The following FBXO38 variants were observed in gnomAD, a reference collection of about 807,000 sequenced individuals.
FBXO38 encodes F-box only protein 38.
In FBXO38, 53 loss-of-function variants were observed where a neutral mutation model predicts 131.9. That is an observed-to-expected ratio of 0.40 (90% CI 0.32 to 0.51). The LOEUF (loss-of-function observed/expected upper bound fraction) is 0.51. Ranked by LOEUF, FBXO38 falls within the 20% of genes least tolerant of loss-of-function variation. The pLI, the probability that FBXO38 is intolerant of heterozygous loss-of-function variation, is 0.53. For missense variants in FBXO38, 1,076 were observed against 1,475.6 expected (o/e 0.73, Z 4.44); for synonymous variants, 452 against 505.6 (o/e 0.89, Z 1.42).
intron 21 of FBXO38, 116 bp downstream of exon 21, chr5:148,441,353 AAAT>A: frequency 1.3e-6 from 1 of 741,648 alleles, no homozygotes; most frequent in Non-Finnish European, 2.2e-6. Flanking sequence ...TTTCCCATAG[AAAT>A]AATTTGTATT....
At chr5:148,433,976 C>T in intron 17 of FBXO38, 1 of 287,384 alleles carries the variant, frequency 3.5e-6, no homozygotes, top group Non-Finnish European at 6.5e-6. Context: ...ATAATTACTG[C>T]CTGATCTGGC....
chr5:148,404,939 T>C (rs1356610880), intron 6 of FBXO38, 117 bp downstream of exon 6: 4 of 858,774 alleles, frequency 4.7e-6, no homozygotes, highest in South Asian at 2.3e-5. Context: ...TTATGTCTTA[T>C]AACATATTCA....
At chr5:148,425,353 T>A (rs558072992) in intron 13 of FBXO38, among the ~76,000 whole-genome samples, 169 bp from the exon 14 acceptor site, 1 of 152,216 alleles carries the variant, frequency 6.6e-6, no homozygotes, top group African/African-American at 2.4e-5. Flanking sequence ...AGAGTTGAGT[T>A]GCTTTCACAG....
chr5:148,436,685 G>A (rs999535331), intron 17 of FBXO38, among the ~76,000 whole-genome samples: 3 of 152,124 alleles, frequency 2.0e-5, no homozygotes, highest in African/African-American at 7.2e-5. Context: ...ATAAACTGAG[G>A]AGAACCCAAG....
At chr5:148,415,830 A>G (rs1753021953) in intron 10 of FBXO38, 98 bp from the exon 11 acceptor site, 2 of 1,291,608 alleles carry the variant, frequency 1.5e-6, no homozygotes, top group African/African-American at 3.0e-5. Flanking sequence ...TTATTTTAAA[A>G]AAAAGGATTT....
intron 12 of FBXO38, among the ~76,000 whole-genome samples, chr5:148,420,092 A>G (rs2113601832): frequency 6.6e-6 from 1 of 151,986 alleles, no homozygotes; most frequent in Non-Finnish European, 1.5e-5. Flanking sequence ...GCAACATTCT[A>G]AAATAAGAAT....
chr5:148,386,363 T>G (rs759341080), intron 1 of FBXO38, among the ~76,000 whole-genome samples: 2 of 152,168 alleles, frequency 1.3e-5, no homozygotes, highest in Non-Finnish European at 2.9e-5. Flanking sequence ...TTTGTCACCT[T>G]ATCCTCTCTG....
At position 148,442,042 on chromosome 5, in the gene FBXO38, T is replaced by G; in HGVS notation, c.3462T>G (p.Ile1154Met). The G allele has an allele frequency of 1.2e-6, 2 of 1,614,014 alleles. No homozygotes were observed. Among genetic ancestry groups the G allele is most frequent in the Non-Finnish European group, 1.7e-6 (2 of 1,179,910 alleles). The change falls in exon 22 of 22, where the codon ATT becomes ATG. Residue 1154 changes from isoleucine to methionine, a missense_variant. Around this residue, in one of 8 missense-constraint regions of FBXO38, gnomAD observed 282 missense variants for 418.8 expected, o/e 0.67. Coordinates refer to ENST00000340253, the MANE Select transcript of FBXO38 (RefSeq NM_205836.3). ...DICMETIGEE[I>M]SEMRQMKKGV... is the part of the protein sequence containing the mutation. ...GTATGGAAACAATAGGAGAGGAAATTTCAGAGATGCGTCAGATGAAGAAGG... is the reference window on the plus strand; with the variant it reads ...GTATGGAAACAATAGGAGAGGAAATGTCAGAGATGCGTCAGATGAAGAAGG...
At chr5:148,402,214 G>C in intron 4 of FBXO38, 69 bp downstream of exon 4, 3 of 1,559,102 alleles carry the variant, frequency 1.9e-6, no homozygotes, top group Non-Finnish European at 2.6e-6. Flanking sequence ...AATGATAGAC[G>C]TGTTCACTCA....
chr5:148,404,942 C>T, intron 6 of FBXO38, 120 bp downstream of exon 6: 1 of 803,930 alleles, frequency 1.2e-6, no homozygotes, highest in Non-Finnish European at 1.8e-6. Context: ...TGTCTTATAA[C>T]ATATTCATCT....
At position 148,402,086 on chromosome 5, in the gene FBXO38, CA is replaced by C; in HGVS notation, c.368del (p.His123LeufsTer10). 6.2e-7 allele frequency: 1 copy of C among 1,613,704 alleles called. No individual in the cohort carries two copies. Among genetic ancestry groups the C allele is most frequent in the Non-Finnish European group, 8.5e-7 (1 of 1,179,676 alleles). On this transcript the variant is annotated frameshift_variant, in exon 4 of 22. Coordinates refer to ENST00000340253, the MANE Select transcript of FBXO38 (RefSeq NM_205836.3). LOFTEE classifies it high-confidence loss of function. ...CCTTGAGAGGCGAAGAGTAAGGGGCCATGAGGCTTTTAGCATTCCAGGAGTC... is the reference window on the plus strand; with the variant it reads ...CCTTGAGAGGCGAAGAGTAAGGGGCCTGAGGCTTTTAGCATTCCAGGAGTC... ...RYLERRRVRG[H>X]EAFSIPGVLE...
Position 148,414,228 on chromosome 5 carries a change from A to G in FBXO38, c.1186A>G (p.Asn396Asp). 6.2e-7 allele frequency: 1 copy of G among 1,613,096 alleles called. No individual in the cohort carries two copies. Among genetic ancestry groups the G allele is most frequent in the Non-Finnish European group, 8.5e-7 (1 of 1,179,498 alleles). Residue 396 changes from asparagine to aspartate, a missense_variant, in exon 10 of 22, where the codon AAT becomes GAT. Physicochemically the swap from Asn to Asp is conservative, Grantham distance 23 (BLOSUM62 1). Coordinates refer to ENST00000340253, the MANE Select transcript of FBXO38 (RefSeq NM_205836.3). The part of the protein sequence containing the change: ...IITDIGMKAV[N>D]EVFSCIKYLA... ...CACTGATATAGGGATGAAAGCAGTCAATGAAGTTTTTTCCTGTATCAAATA... is the reference window on the plus strand; with the variant it reads ...CACTGATATAGGGATGAAAGCAGTCGATGAAGTTTTTTCCTGTATCAAATA...
chr5:148,422,876 T>G (rs144002156), intron 12 of FBXO38, among the ~76,000 whole-genome samples: 1 of 152,360 alleles, frequency 6.6e-6, no homozygotes, highest in East Asian at 1.9e-4. Context: ...TTTCCAAGCT[T>G]TTAACAATCT....
chr5:148,398,893 A>G (rs1288189596), intron 2 of FBXO38, 106 bp from the exon 3 acceptor site: 1 of 1,257,768 alleles, frequency 8.0e-7, no homozygotes, highest in Admixed American at 2.0e-5. Flanking sequence ...TTAAGATCTT[A>G]TTTCATTTGA....
chr5:148,413,404 C>T (rs1752876191), intron 9 of FBXO38: 1 of 151,714 alleles, frequency 6.6e-6, no homozygotes, highest in Admixed American at 6.6e-5. Context: ...CCCATGAGCT[C>T]TTGTATCCCC....
Position 148,439,703 on chromosome 5 carries a change from C to G in FBXO38, c.3081C>G (p.Ile1027Met). Residue 1027 changes from isoleucine to methionine, a missense_variant, in exon 19 of 22, where the codon ATC (isoleucine) becomes ATG (methionine). By Grantham distance (10) the Ile-to-Met change is conservative. This residue lies in a region of FBXO38 where 282 missense variants were observed against 418.8 expected (regional missense o/e 0.67). Transcript: ENST00000340253. ...TTAGTGGTCCCTACCCCTATCACAT[C>G]TGTATTATCCATGAATTCAGTAACC... ...KLFSGPYPYH[I>M]CIIHEFSNPP... 1 of 1,614,024 alleles carries G rather than the reference C, an allele frequency of 6.2e-7. No individual in the cohort carries two copies. The highest frequency in any genetic ancestry group is 8.5e-7 in the Non-Finnish European group (1 of 1,179,894).
Position 148,433,464 on chromosome 5 carries a change from G to A in FBXO38, c.2694G>A (p.Lys898=), listed in dbSNP as rs1423398003. 1.2e-6 allele frequency: 2 copies of A among 1,613,936 alleles called. No individual in the cohort carries two copies. The highest frequency in any genetic ancestry group is 1.7e-6 in the Non-Finnish European group (2 of 1,179,930). Residue 898 remains lysine (K), a synonymous_variant, in exon 16 of 22, where the codon AAG becomes AAA. Transcript: ENST00000340253. Reference sequence around the variant, plus strand: ...AGCCACGTCACGCCATGAAACGGAAGCGGACAGCAGATAAATCCACTAGTA... The same window carrying A: ...AGCCACGTCACGCCATGAAACGGAAACGGACAGCAGATAAATCCACTAGTA... ...KTKPRHAMKR[K]RTADKSTSTS...
chr5:148,393,231 GTGTGA>G, intron 1 of FBXO38, among the ~76,000 whole-genome samples: 1 of 150,324 alleles, frequency 6.7e-6, no homozygotes, highest in African/African-American at 2.5e-5. Context: ...GTGTGTGTGT[GTGTGA>G]TGAGAGGCAA....
chr5:148,384,517 T>A (rs1757809397), intron 1 of FBXO38, among the ~76,000 whole-genome samples: 1 of 152,210 alleles, frequency 6.6e-6, no homozygotes, highest in Non-Finnish European at 1.5e-5. Flanking sequence ...TCAGGAGCCC[T>A]GAATTCTAGT....
Sources: gnomAD v4.1 joint callset for allele counts (sites outside exome capture counted in the v4.1 genomes callset) on GRCh38, gnomAD v4.1.1 for gene constraint, gnomAD v4.1.1 regional missense constraint, MANE v1.5 for transcripts, NCBI Gene and HGNC (gene_info 2026-07-23, HGNC 2026-07-21) for gene names.